Variants in SOX6 observed in about 807,000 individuals in gnomAD.
The protein encoded by SOX6 is transcription factor SOX-6.
In SOX6, 11 loss-of-function variants were observed where a neutral mutation model predicts 97.8. The observed-to-expected ratio is 0.11, with a 90% confidence interval of 0.07 to 0.19. The LOEUF (loss-of-function observed/expected upper bound fraction) is 0.19, where lower values mean the gene tolerates loss of function less well. SOX6 is among the 10% of genes least tolerant of loss of function. The pLI is 1.00. For synonymous variants in SOX6, 360 were observed against 371.4 expected, an observed-to-expected ratio of 0.97 and a Z score of 0.35; for missense variants, 810 against 1,039.5, an observed-to-expected ratio of 0.78 and a Z score of 3.04.
intron 1 of SOX6, among the ~76,000 whole-genome samples, chr11:16,457,767 C>T (rs1487202394): frequency 6.6e-6 from 1 of 152,072 alleles, no homozygotes; most frequent in African/African-American, 2.4e-5. Context: ...CAAGGTCCAC[C>T]TACTCCAAAA....
chr11:16,548,288 GA>G (rs1460976720), intron 4 of SOX6, among the ~76,000 whole-genome samples: 3 of 151,702 alleles, frequency 2.0e-5, no homozygotes, highest in Non-Finnish European at 2.9e-5. Flanking sequence ...TCTTTAGATG[GA>G]AAAAAAATAC....
At chr11:16,577,109 T>A (rs1847991811) in intron 4 of SOX6, 1 of 152,128 alleles carries the variant, frequency 6.6e-6, no homozygotes, top group Admixed American at 6.6e-5. Context: ...AAAATTAACT[T>A]CAGAAAGTTA....
At chr11:16,101,705 G>T (rs1295652972) in intron 7 of SOX6, among the ~76,000 whole-genome samples, 1 of 151,718 alleles carries the variant, frequency 6.6e-6, no homozygotes, top group Non-Finnish European at 1.5e-5. Context: ...TCATACTAGG[G>T]ATGCAGGGAT....
chr11:16,630,971 G>T lies in SOX6; in HGVS notation n.430-18711C>A, dbSNP rs1848699053. Reference sequence around the variant, plus strand: ...TCTAACCCTCTACTTTGAGCCTATGGATGTTGTTATGTGTGAGATGGGTGT... The same window carrying T: ...TCTAACCCTCTACTTTGAGCCTATGTATGTTGTTATGTGTGAGATGGGTGT... On this transcript the variant is annotated intron_variant and non_coding_transcript_variant, in intron 3 of 5. Transcript: ENST00000524520. Among the ~76,000 whole-genome samples the T allele has an allele frequency of 2.0e-5, 3 of 151,172 alleles. No homozygotes were observed. In the South Asian group the frequency reaches 6.2e-4, roughly 31 times the overall value.
At chr11:16,216,119 G>A (rs1852365073) in intron 4 of SOX6, among the ~76,000 whole-genome samples, 1 of 152,156 alleles carries the variant, frequency 6.6e-6, no homozygotes, top group South Asian at 2.1e-4. Context: ...CCATCTCATG[G>A]CACTGGTTTG....
At chr11:16,018,222 C>T (rs186763143) in intron 12 of SOX6, among the ~76,000 whole-genome samples, 14 of 152,230 alleles carry the variant, frequency 9.2e-5, no homozygotes, top group African/African-American at 3.4e-4. Flanking sequence ...TTATCAGAGT[C>T]AATGACGGGG....
chr11:16,653,003 A>C (rs1355923310), intron 3 of SOX6, among the ~76,000 whole-genome samples: 1 of 152,226 alleles, frequency 6.6e-6, no homozygotes, highest in Non-Finnish European at 1.5e-5. Context: ...GCCAAAAAAC[A>C]TATGAAAAAA....
chr11:16,406,381 T>C (rs1858687515), intron 1 of SOX6, among the ~76,000 whole-genome samples: 1 of 152,130 alleles, frequency 6.6e-6, no homozygotes, highest in Admixed American at 6.6e-5. Context: ...ATTTAGCTTA[T>C]GCATCTGTAG....
rs1374347761 is a variant in SOX6, at chr11:16,111,958, G to A, written c.778-35C>T. 4 of 1,611,074 alleles carry A rather than the reference G, an allele frequency of 2.5e-6. No homozygotes were observed. In the African/African-American group the frequency reaches 5.3e-5, roughly 22 times the overall value. On this transcript the variant is annotated intron_variant, in intron 6 of 15. Coordinates refer to ENST00000683767, the MANE Select transcript of SOX6 (RefSeq NM_001367873.1). ...AGAAGAGAGCCTATGATCAGACAGG[G>A]AGCAAATGTATGCCAAGAAGAATTT...
intron 3 of SOX6, among the ~76,000 whole-genome samples, chr11:16,663,276 A>AT (rs1233573781): frequency 6.6e-6 from 1 of 152,148 alleles, no homozygotes; most frequent in Admixed American, 6.5e-5. Context: ...AAAAATATAC[A>AT]TTTTTTAAAA....
At chr11:16,037,947 T>C (rs1402960684) in intron 12 of SOX6, among the ~76,000 whole-genome samples, 4 of 152,168 alleles carry the variant, frequency 2.6e-5, no homozygotes, top group Non-Finnish European at 5.9e-5. Context: ...CCACTTATGT[T>C]GATTATAGCA....
At chr11:16,327,324 C>T (rs1590128250) in intron 2 of SOX6, among the ~76,000 whole-genome samples, 1 of 152,112 alleles carries the variant, frequency 6.6e-6, no homozygotes, top group East Asian at 1.9e-4. Context: ...TTATTAAATA[C>T]AAATGTCCTT....
chr11:16,196,658 C>A (rs573247138), intron 4 of SOX6, among the ~76,000 whole-genome samples: 2 of 151,096 alleles, frequency 1.3e-5, no homozygotes, highest in South Asian at 4.2e-4. Context: ...CTGTCATACT[C>A]TTTTTTTTTC....
At chr11:16,295,494 T>C (rs1202414492) in intron 3 of SOX6, among the ~76,000 whole-genome samples, 2 of 151,914 alleles carry the variant, frequency 1.3e-5, no homozygotes, top group African/African-American at 2.4e-5. Flanking sequence ...CCACCCCCCC[T>C]CATCTTTCCT....
At chr11:16,654,170 T>C (rs1847692637) in intron 3 of SOX6, among the ~76,000 whole-genome samples, 1 of 152,186 alleles carries the variant, frequency 6.6e-6, no homozygotes, top group Non-Finnish European at 1.5e-5. Flanking sequence ...ATCTCTCTTT[T>C]TTTATTTAGA....
At chr11:16,081,881 G>C (rs111719261) in intron 9 of SOX6, among the ~76,000 whole-genome samples, 74 of 152,238 alleles carry the variant, frequency 4.9e-4, no homozygotes, top group African/African-American at 1.8e-3. Context: ...GTCTCTTAAA[G>C]GAAATTTTAT....
chr11:16,405,966 T>C (rs181106919), intron 1 of SOX6, among the ~76,000 whole-genome samples: 217 of 152,224 alleles, frequency 1.4e-3, no homozygotes, highest in South Asian at 3.9e-3. Flanking sequence ...GTCCTTTGCA[T>C]TTCCTACTGT....
At chr11:16,317,430 C>T (rs1467238665) in intron 3 of SOX6, 4 of 151,764 alleles carry the variant, frequency 2.6e-5, no homozygotes, top group Non-Finnish European at 4.4e-5. Flanking sequence ...GAAGAATTTA[C>T]CCAGGGTGAC....
At chr11:16,349,993 C>A (rs924943166) in intron 1 of SOX6, among the ~76,000 whole-genome samples, 2 of 152,086 alleles carry the variant, frequency 1.3e-5, no homozygotes, top group Non-Finnish European at 2.9e-5. Flanking sequence ...TTCTAAATAA[C>A]ATCATTTATG....
Sources: gnomAD v4.1 joint callset for allele counts (sites outside exome capture counted in the v4.1 genomes callset) on GRCh38, gnomAD v4.1.1 for gene constraint, MANE v1.5 for transcripts, NCBI Gene and HGNC (gene_info 2026-07-23, HGNC 2026-07-21) for gene names.